The following ZNF215 variants were observed in gnomAD, a reference collection of about 807,000 sequenced individuals.
ZNF215 encodes the protein BWSCR2-associated zinc finger protein 2.
Under a neutral mutation model 27.2 loss-of-function variants are expected in ZNF215, and 24 were observed. That is an observed-to-expected ratio of 0.88 (90% CI 0.64 to 1.24). ZNF215 has a LOEUF of 1.24. Ranked by LOEUF, ZNF215 falls within the 50% of genes most tolerant of loss-of-function variation. ZNF215 has a pLI of 0.00. For synonymous variants in ZNF215, 210 were observed against 204.0 expected (o/e 1.03, Z -0.25); for missense variants, 675 against 605.7 (o/e 1.11, Z -1.20).
At chr11:6,978,268 A>C (rs1236647273) in intron 5 of ZNF215, among the ~76,000 whole-genome samples, 1 of 152,048 alleles carries the variant, frequency 6.6e-6, no homozygotes, top group African/African-American at 2.4e-5. Context: ...TGGATGAATA[A>C]ATGTGAAAAA....
chr11:6,971,104 GA>G (rs535725809), intron 5 of ZNF215, among the ~76,000 whole-genome samples: 339 of 139,352 alleles, frequency 2.4e-3, no homozygotes, highest in African/African-American at 5.1e-3. Flanking sequence ...ACTGTTACAT[GA>G]AAAAAAAAAA....
At position 6,957,992 on chromosome 11, in the gene ZNF215, A is replaced by T. The variant is rs1225740320; in HGVS notation, c.*1461A>T. 1 of 985,280 alleles carries T rather than the reference A, an allele frequency of 1.0e-6. No homozygotes were observed. The highest frequency in any genetic ancestry group is 1.2e-6 in the Non-Finnish European group (1 of 829,928). 61.0% of individuals were successfully genotyped at this position (985,280 alleles called of 1,614,324 possible). On this transcript the variant is annotated 3_prime_UTR_variant, in exon 7 of 7. Transcript: ENST00000278319. Reference sequence around the variant, plus strand: ...TTTGTGAAGGTTCATACCTTATTCAAAGGCAGAAAAGGTATACTGGAGTGA... The same window carrying T: ...TTTGTGAAGGTTCATACCTTATTCATAGGCAGAAAAGGTATACTGGAGTGA...
chr11:6,970,729 A>T (rs1850702242), intron 5 of ZNF215, among the ~76,000 whole-genome samples: 2 of 152,212 alleles, frequency 1.3e-5, no homozygotes, highest in Non-Finnish European at 2.9e-5. Context: ...TTTAAAAATA[A>T]CTTACCCTCT....
chr11:6,934,633 T>C (rs184800286), intron 3 of ZNF215, among the ~76,000 whole-genome samples: 4 of 152,322 alleles, frequency 2.6e-5, no homozygotes, highest in Admixed American at 2.6e-4. Flanking sequence ...TTGTCATAGC[T>C]CTTGCTCACT....
At chr11:6,934,131 C>T (rs1053291824) in intron 3 of ZNF215, among the ~76,000 whole-genome samples, 1 of 152,068 alleles carries the variant, frequency 6.6e-6, no homozygotes, top group East Asian at 1.9e-4. Context: ...TCTTAATGAG[C>T]AAAAGAAGAG....
chr11:6,986,038 A>G (rs2133361854), downstream of ZNF215, among the ~76,000 whole-genome samples: 1 of 152,312 alleles, frequency 6.6e-6, no homozygotes, highest in Non-Finnish European at 1.5e-5. Context: ...TCTGAAATTA[A>G]TGGAACCAAA....
chr11:6,985,280 A>G (rs1222651567), downstream of ZNF215, among the ~76,000 whole-genome samples: 1 of 152,236 alleles, frequency 6.6e-6, no homozygotes, highest in African/African-American at 2.4e-5. Flanking sequence ...TCACAAAAAC[A>G]TAATTAAAAG....
At chr11:6,934,740 T>G (rs1849377267) in intron 3 of ZNF215, among the ~76,000 whole-genome samples, 1 of 152,220 alleles carries the variant, frequency 6.6e-6, no homozygotes, top group South Asian at 2.1e-4. Context: ...TTCAGGATGA[T>G]CTCCCTCATC....
chr11:6,935,068 G>T (rs957390490), intron 3 of ZNF215, among the ~76,000 whole-genome samples: 6 of 152,184 alleles, frequency 3.9e-5, no homozygotes, highest in Non-Finnish European at 8.8e-5. Context: ...TACTGAGGTG[G>T]CTACCTGGGG....
intron 5 of ZNF215, among the ~76,000 whole-genome samples, chr11:6,982,869 C>G (rs1294097485): frequency 4.6e-5 from 7 of 151,764 alleles, no homozygotes; most frequent in Non-Finnish European, 1.0e-4. Flanking sequence ...AGAACAAACA[C>G]ATTCAAAAGC....
chr11:6,965,617 T>A (rs2468987), intron 5 of ZNF215, among the ~76,000 whole-genome samples: 150,394 of 152,264 alleles, frequency 0.99, 74,294 homozygotes, highest in Middle Eastern at 1. Context: ...AGCATACAGA[T>A]CTTACAAAGA....
At chr11:6,963,479 ATG>A (rs1298997216) in intron 5 of ZNF215, among the ~76,000 whole-genome samples, 2 of 152,098 alleles carry the variant, frequency 1.3e-5, no homozygotes. Flanking sequence ...CTTCACATAT[ATG>A]TGTTATTCAT....
intron 3 of ZNF215, among the ~76,000 whole-genome samples, chr11:6,936,077 A>G (rs1849426693): frequency 6.6e-6 from 1 of 152,110 alleles, no homozygotes; most frequent in Admixed American, 6.5e-5. Flanking sequence ...CCTACATTAA[A>G]AAGATCTCAA....
intron 6 of ZNF215, among the ~76,000 whole-genome samples, chr11:6,949,144 A>G (rs558840085): frequency 2.0e-5 from 3 of 151,068 alleles, no homozygotes; most frequent in African/African-American, 2.4e-5. Context: ...AATCCAGTCT[A>G]TCATTGTTGG....
intron 5 of ZNF215, among the ~76,000 whole-genome samples, chr11:6,983,874 C>T (rs924897137): frequency 8.6e-5 from 13 of 151,834 alleles, no homozygotes; most frequent in Admixed American, 7.9e-4. Context: ...CAAAATTCTA[C>T]AGGAAAAGTC....
In ZNF215 at chr11:6,932,280, C is replaced by T. The variant is rs747278898; in HGVS notation, c.8C>T (p.Pro3Leu). The stretch of plus-strand genomic sequence containing the variant: ...GGAGTTCTATTTAGGAAGATGCAGC[C>T]TCTGAGCAAGTTGATGGCTATCTCA... The part of the protein sequence containing the change: MQ[P>L]LSKLMAISKP... The change falls in exon 3 of 7, where the codon CCT becomes CTT. Residue 3 changes from proline (P) to leucine (L), a missense_variant. Coordinates refer to ENST00000278319, the MANE Select transcript of ZNF215 (RefSeq NM_013250.4). 3 of 1,613,382 alleles carry T rather than the reference C, an allele frequency of 1.9e-6. No homozygotes were observed. Among genetic ancestry groups the T allele is most frequent in the Middle Eastern group, 1.7e-4 (1 of 6,060 alleles).
intron 5 of ZNF215, among the ~76,000 whole-genome samples, chr11:6,972,349 G>A (rs1850734740): frequency 6.6e-6 from 1 of 151,274 alleles, no homozygotes; most frequent in Admixed American, 6.6e-5. Context: ...ACAGGTGACA[G>A]GCCAAATTTG....
downstream of ZNF215, among the ~76,000 whole-genome samples, chr11:6,989,213 ATAAAAG>A (rs1851093222): frequency 6.6e-6 from 1 of 152,078 alleles, no homozygotes; most frequent in Admixed American, 6.6e-5. Flanking sequence ...ACTTTTTACA[ATAAAAG>A]TAATGGTAAA....
rs776216367 is a variant in ZNF215 at position 6,955,687 on chromosome 11, T to C, written c.713-3T>C. ...GTTCATGGCATTTTTTATTTCTCTT[T>C]AGACATGAAGAGTATTTCTGGAGAA... is the stretch of plus-strand genomic sequence containing the variant. On this transcript the variant is annotated splice_polypyrimidine_tract_variant and splice_region_variant and intron_variant, in intron 6 of 6. Coordinates refer to ENST00000278319, the MANE Select transcript of ZNF215 (RefSeq NM_013250.4). 2.6e-6 allele frequency: 4 copies of C among 1,539,998 alleles called. No individual in the cohort carries two copies. In the African/African-American group the frequency reaches 5.6e-5, roughly 21 times the overall value.
Sources: allele counts gnomAD v4.1 joint callset (sites outside exome capture counted in the v4.1 genomes callset), GRCh38; gene constraint gnomAD v4.1.1; transcripts MANE v1.5; gene names NCBI Gene and HGNC (gene_info 2026-07-23, HGNC 2026-07-21).